SLC35D4: variants seen among roughly 807,000 people sequenced by gnomAD.
The protein encoded by SLC35D4 is solute carrier family 35 member D4.
chr18:23,313,041 C>G, the SLC35D4 span, among the ~76,000 whole-genome samples: 12 of 143,188 alleles, frequency 8.4e-5, no homozygotes, highest in Admixed American at 1.5e-4. Flanking sequence ...GCAGGAGAAT[C>G]GCTGGAACCC....
the SLC35D4 span, among the ~76,000 whole-genome samples, chr18:23,291,530 T>C: frequency 6.4e-4 from 97 of 152,332 alleles, no homozygotes; most frequent in African/African-American, 2.1e-3. Context: ...GGCTGGCAGA[T>C]GGGCTGGTCT....
the SLC35D4 span, among the ~76,000 whole-genome samples, chr18:23,436,920 T>C: frequency 6.6e-6 from 1 of 152,160 alleles, no homozygotes; most frequent in Non-Finnish European, 1.5e-5. Flanking sequence ...ATGGTTCTTT[T>C]CCAGAGAGGA....
At chr18:23,258,542 C>T in the SLC35D4 span, 1 of 152,224 alleles carries the variant, frequency 6.6e-6, no homozygotes, top group Admixed American at 6.5e-5. Flanking sequence ...TGAGGCATGT[C>T]ACCACACTGT....
At chr18:23,318,778 T>C in the SLC35D4 span, among the ~76,000 whole-genome samples, 1 of 152,216 alleles carries the variant, frequency 6.6e-6, no homozygotes, top group Non-Finnish European at 1.5e-5. Context: ...TTAGATCTAA[T>C]AAGCATGTAT....
chr18:23,304,197 A>G, the SLC35D4 span, among the ~76,000 whole-genome samples: 1 of 150,480 alleles, frequency 6.6e-6, no homozygotes, highest in Non-Finnish European at 1.5e-5. Flanking sequence ...GAATGGTGTG[A>G]ACCCAGGAGG....
the SLC35D4 span, chr18:23,365,668 A>G: frequency 1.2e-6 from 2 of 1,613,530 alleles, no homozygotes; most frequent in Non-Finnish European, 1.7e-6. Flanking sequence ...GGAGCACCAC[A>G]CTGGAAAAGA....
chr18:23,296,822 G>A, the SLC35D4 span: 1 of 148,982 alleles, frequency 6.7e-6, no homozygotes, highest in Non-Finnish European at 1.5e-5. Context: ...TGTTTCCTCT[G>A]GGGATAAGTT....
At chr18:23,425,981 G>C in the SLC35D4 span, among the ~76,000 whole-genome samples, 1 of 148,902 alleles carries the variant, frequency 6.7e-6, no homozygotes, top group South Asian at 2.1e-4. Context: ...TGATGATTAT[G>C]CCTTTGGGCA....
chr18:23,321,005 T>C, the SLC35D4 span, among the ~76,000 whole-genome samples: 1 of 152,202 alleles, frequency 6.6e-6, no homozygotes, highest in Non-Finnish European at 1.5e-5. Context: ...GGGGCTATTC[T>C]AGCTTCCAGT....
chr18:23,390,040 A>G, the SLC35D4 span, among the ~76,000 whole-genome samples: 892 of 152,332 alleles, frequency 5.9e-3, 10 homozygotes, highest in African/African-American at 0.021. Context: ...GATAAAAGCA[A>G]TAATAGTAGC....
the SLC35D4 span, among the ~76,000 whole-genome samples, chr18:23,325,924 A>T: frequency 6.6e-6 from 1 of 152,212 alleles, no homozygotes; most frequent in Non-Finnish European, 1.5e-5. Flanking sequence ...TTTCATAAAG[A>T]TCTCTTAAAG....
chr18:23,260,783 G>A, the SLC35D4 span, among the ~76,000 whole-genome samples: 819 of 152,236 alleles, frequency 5.4e-3, 11 homozygotes, highest in African/African-American at 0.019. Flanking sequence ...GCACAGTGCT[G>A]AGGGCCAGCA....
At chr18:23,378,690 A>C in the SLC35D4 span, among the ~76,000 whole-genome samples, 1 of 152,228 alleles carries the variant, frequency 6.6e-6, no homozygotes, top group Non-Finnish European at 1.5e-5. Context: ...TATATTTGAT[A>C]GAGGAAATGA....
At chr18:23,416,249 T>C in the SLC35D4 span, among the ~76,000 whole-genome samples, 5 of 152,186 alleles carry the variant, frequency 3.3e-5, no homozygotes, top group Non-Finnish European at 7.3e-5. Context: ...GGGGGCCTCT[T>C]TGAGCTCCAG....
chr18:23,300,076 C>T, the SLC35D4 span, among the ~76,000 whole-genome samples: 2 of 152,122 alleles, frequency 1.3e-5, no homozygotes, highest in Admixed American at 6.5e-5. Flanking sequence ...TATTTGGGAA[C>T]GAGGCCGCTT....
chr18:23,281,266 C>T, the SLC35D4 span, among the ~76,000 whole-genome samples: 1 of 152,170 alleles, frequency 6.6e-6, no homozygotes. Flanking sequence ...GAATTGTACA[C>T]TTCAAATGGG....
At chr18:23,342,800 C>T in the SLC35D4 span, among the ~76,000 whole-genome samples, 1 of 152,208 alleles carries the variant, frequency 6.6e-6, no homozygotes, top group East Asian at 1.9e-4. Flanking sequence ...TTTCAATTTG[C>T]ATTTCTCTAA....
chr18:23,373,752 A>G, the SLC35D4 span: 1 of 1,613,572 alleles, frequency 6.2e-7, no homozygotes, highest in Non-Finnish European at 8.5e-7. Context: ...TGCGGCCAGG[A>G]GGAGGAGGGC....
chr18:23,370,941 T>C, the SLC35D4 span, among the ~76,000 whole-genome samples: 1 of 152,092 alleles, frequency 6.6e-6, no homozygotes, highest in Non-Finnish European at 1.5e-5. Context: ...AGAAAACCAA[T>C]CCAGAAAATG....
Sources: allele counts gnomAD v4.1 joint callset (sites outside exome capture counted in the v4.1 genomes callset), GRCh38; gene constraint gnomAD v4.1.1; transcripts MANE v1.5; gene names NCBI Gene and HGNC (gene_info 2026-07-23, HGNC 2026-07-21).